The following ACTN2 variants were observed in gnomAD, a reference collection of about 807,000 sequenced individuals.
ACTN2 encodes actinin alpha 2.
Under a neutral mutation model 113.8 loss-of-function variants are expected in ACTN2, and 39 were observed. The ratio of observed to expected loss-of-function variants is 0.34; its 90% CI spans 0.27 to 0.45. ACTN2 has a LOEUF of 0.45. Among genes scored for constraint, ACTN2 ranks in the 20% least tolerant of loss-of-function variants. The pLI is 1.00. For synonymous variants in ACTN2, 429 were observed against 444.1 expected (o/e 0.97, Z 0.43); for missense variants, 992 against 1,177.9 (o/e 0.84, Z 2.31).
intron 12 of ACTN2, among the ~76,000 whole-genome samples, chr1:236,746,029 G>C (rs1659224457): frequency 6.6e-6 from 1 of 151,786 alleles, no homozygotes; most frequent in South Asian, 2.1e-4. Flanking sequence ...AGCCAGGCAT[G>C]GTGGCGGGCA....
chr1:236,692,562 A>G (rs995708469), intron 1 of ACTN2, among the ~76,000 whole-genome samples: 1 of 152,208 alleles, frequency 6.6e-6, no homozygotes, highest in Non-Finnish European at 1.5e-5. Flanking sequence ...AGTGTCAAAG[A>G]AGAGGTTAAA....
At chr1:236,691,364 C>T (rs111270833) in intron 1 of ACTN2, among the ~76,000 whole-genome samples, 1,744 of 151,284 alleles carry the variant, frequency 0.012, 37 homozygotes, top group African/African-American at 0.039. Flanking sequence ...AAAAGTTAGC[C>T]GGGTGCAGTG....
In ACTN2 at chr1:236,759,959, C is replaced by G. The variant is rs1229599752; in HGVS notation, c.2367+170C>G. Among the ~76,000 whole-genome samples the G allele has an allele frequency of 5.3e-5, 8 of 152,054 alleles. No homozygotes were observed. In the South Asian group the frequency reaches 1.7e-3, roughly 31 times the overall value. On this transcript the variant is annotated intron_variant, in intron 19 of 20. Coordinates refer to ENST00000366578, the MANE Select transcript of ACTN2 (RefSeq NM_001103.4). Reference sequence around the variant, plus strand: ...CACTGTTATTATATAAAAATAAAGTCACGAGGCCTGGCGCAGTGGCTCACG... The same window carrying G: ...CACTGTTATTATATAAAAATAAAGTGACGAGGCCTGGCGCAGTGGCTCACG...
At chr1:236,737,011 C>CGTCTA in intron 8 of ACTN2, 111 bp from the exon 9 acceptor site, 1 of 829,488 alleles carries the variant, frequency 1.2e-6, no homozygotes, top group Non-Finnish European at 2.0e-6. Context: ...GACTCTGCAC[C>CGTCTA]GTCTACAGCA....
chr1:236,695,424 A>G (rs1657460881), intron 1 of ACTN2, among the ~76,000 whole-genome samples: 1 of 151,618 alleles, frequency 6.6e-6, no homozygotes, highest in Non-Finnish European at 1.5e-5. Context: ...GAAAAAAAAA[A>G]AAAAGAACAT....
rs577593687 is a variant in ACTN2 at position 236,762,741 on chromosome 1, C to G, written c.*122C>G. The G allele has an allele frequency of 1.7e-5, 22 of 1,291,808 alleles. No individual in the cohort carries two copies. The South Asian group carries it at 1.8e-4, about 11-fold the overall frequency. The allele number at this position is 1,291,808 out of a possible 1,614,324, so 80.0% of individuals were successfully genotyped here. ...GAGAGAGAGAGGGGAAAAAAAAAAG[C>G]CTTTCGTAGTTCAGTAATTGCCAGC... On this transcript the variant is annotated 3_prime_UTR_variant, in exon 21 of 21. Coordinates refer to ENST00000366578, the MANE Select transcript of ACTN2 (RefSeq NM_001103.4).
At chr1:236,709,581 T>C (rs1242696162) in intron 1 of ACTN2, among the ~76,000 whole-genome samples, 3 of 150,838 alleles carry the variant, frequency 2.0e-5, no homozygotes, top group Non-Finnish European at 4.4e-5. Flanking sequence ...TCGTGATGAG[T>C]GTTGGGGAAG....
chr1:236,696,255 C>G (rs931997526), intron 1 of ACTN2, among the ~76,000 whole-genome samples: 5 of 150,448 alleles, frequency 3.3e-5, no homozygotes, highest in Non-Finnish European at 7.4e-5. Flanking sequence ...GCACTCACAG[C>G]TGGAGCGCAG....
At chr1:236,702,745 A>G (rs988542650) in intron 1 of ACTN2, among the ~76,000 whole-genome samples, 1 of 152,216 alleles carries the variant, frequency 6.6e-6, no homozygotes, top group Admixed American at 6.5e-5. Flanking sequence ...TATGTTAATC[A>G]GAGTTTTCCC....
intron 7 of ACTN2, chr1:236,734,524 G>A (rs2102915312): frequency 6.5e-7 from 1 of 1,528,184 alleles, no homozygotes; most frequent in East Asian, 2.4e-5. Flanking sequence ...AGAAGGTGAG[G>A]ATGTAAACCA....
intron 1 of ACTN2, among the ~76,000 whole-genome samples, chr1:236,713,018 A>T (rs1658080322): frequency 6.6e-6 from 1 of 151,858 alleles, no homozygotes; most frequent in East Asian, 1.9e-4. Context: ...AAATTCCTTT[A>T]AAGTAATTTT....
At chr1:236,748,822 G>A (rs1659309683) in intron 13 of ACTN2, among the ~76,000 whole-genome samples, 1 of 152,222 alleles carries the variant, frequency 6.6e-6, no homozygotes, top group Non-Finnish European at 1.5e-5. Context: ...CTGAAAGCAA[G>A]TTACAGTATG....
chr1:236,694,526 A>G (rs932359626), intron 1 of ACTN2, among the ~76,000 whole-genome samples: 2 of 152,090 alleles, frequency 1.3e-5, no homozygotes, highest in Non-Finnish European at 1.5e-5. Flanking sequence ...CCTGGCCCGC[A>G]CTGACATTTA....
Position 236,739,352 on chromosome 1 carries a change from C to T in ACTN2, c.927C>T (p.Pro309=), listed in dbSNP as rs145411160. The T allele has an allele frequency of 1.0e-4, 162 of 1,614,066 alleles. 1 individual carries two copies. In the African/African-American group the frequency reaches 1.6e-3, roughly 16 times the overall value. ...RTIPWLENRT[P]EKTMQAMQKK... ...TCCCCTGGCTGGAGAACCGGACTCC[C>T]GAGAAGACCATGCAAGCCATGCAGA... is the stretch of plus-strand genomic sequence containing the variant. Residue 309 remains proline (P), a synonymous_variant, in exon 10 of 21, where the codon CCC becomes CCT. Coordinates refer to ENST00000366578, the MANE Select transcript of ACTN2 (RefSeq NM_001103.4).
At position 236,755,194 on chromosome 1, in the gene ACTN2, T is replaced by C; in HGVS notation, c.2150T>C (p.Met717Thr). ...GACAACAAGCACACGAACTACACGA[T>C]GGAGGTACGGCAGCCAGACAGGCGT... Reference protein sequence around the residue: ...VFDNKHTNYTMEHIRVGWELL... With the variant: ...VFDNKHTNYTTEHIRVGWELL... The change falls in exon 17 of 21, where the codon ATG becomes ACG. Residue 717 changes from methionine (M) to threonine (T), a missense_variant. Met to Thr is a moderately conservative substitution (Grantham distance 81). Transcript: ENST00000366578. The C allele has an allele frequency of 1.9e-6, 3 of 1,614,144 alleles. No individual in the cohort carries two copies. The highest frequency in any genetic ancestry group is 1.7e-6 in the Non-Finnish European group (2 of 1,180,042).
rs527771492 is a variant in ACTN2 at position 236,757,488 on chromosome 1, C to T, written c.2157C>T (p.His719=). 3.1e-6 allele frequency: 5 copies of T among 1,614,112 alleles called. No individual in the cohort carries two copies. The African/African-American group carries it at 5.3e-5, about 17-fold the overall frequency. ...DNKHTNYTME[H]IRVGWELLLT... is the part of the protein sequence containing the mutation. ...TCTTTCCCCTTTTCCCTCAATAGCACATTCGTGTTGGATGGGAGCTGCTGC... is the reference window on the plus strand; with the variant it reads ...TCTTTCCCCTTTTCCCTCAATAGCATATTCGTGTTGGATGGGAGCTGCTGC... Residue 719 remains histidine, a splice_region_variant and synonymous_variant, in exon 18 of 21, where the codon CAC becomes CAT. Coordinates refer to ENST00000366578, the MANE Select transcript of ACTN2 (RefSeq NM_001103.4).
At position 236,751,464 on chromosome 1, in the gene ACTN2, G is replaced by A. The variant is rs1328857189; in HGVS notation, c.1657-6G>A. 2.5e-6 allele frequency: 4 copies of A among 1,614,000 alleles called. No homozygotes were observed. Among genetic ancestry groups the A allele is most frequent in the Non-Finnish European group, 3.4e-6 (4 of 1,180,026 alleles). On this transcript the variant is annotated splice_region_variant and splice_polypyrimidine_tract_variant and intron_variant, in intron 14 of 20. Coordinates refer to ENST00000366578, the MANE Select transcript of ACTN2 (RefSeq NM_001103.4). ...TTGTTTTTCTCCACTTGTGTCTCGG[G>A]TGTAGAGTCTGATCACTGCGCATGA...
In ACTN2 at chr1:236,686,691, C is replaced by A. The variant is rs368367224; in HGVS notation, c.18C>A (p.Pro6=). 444 of 1,564,076 alleles carry A rather than the reference C, an allele frequency of 2.8e-4. 8 individuals are homozygous for A. The South Asian group carries it at 4.9e-3, about 17-fold the overall frequency. The change falls in exon 1 of 21, where the codon CCC becomes CCA. Residue 6 remains proline (P), a synonymous_variant. Coordinates refer to ENST00000366578, the MANE Select transcript of ACTN2 (RefSeq NM_001103.4). The part of the protein sequence containing the change: MNQIE[P]GVQYNYVYDE... Reference sequence around the variant, plus strand: ...CGAGCGCCATGAACCAGATAGAGCCCGGCGTGCAGTACAACTACGTGTACG... The same window carrying A: ...CGAGCGCCATGAACCAGATAGAGCCAGGCGTGCAGTACAACTACGTGTACG...
intron 4 of ACTN2, among the ~76,000 whole-genome samples, chr1:236,722,899 A>G (rs2102900502): frequency 6.6e-6 from 1 of 152,318 alleles, no homozygotes; most frequent in African/African-American, 2.4e-5. Context: ...CGTAATTCAC[A>G]CAAGGTTGTT....
Sources: gnomAD v4.1 joint callset for allele counts (sites outside exome capture counted in the v4.1 genomes callset) on GRCh38, gnomAD v4.1.1 for gene constraint, MANE v1.5 for transcripts, NCBI Gene and HGNC (gene_info 2026-07-23, HGNC 2026-07-21) for gene names.